The following PZP variants were observed in gnomAD, a reference collection of about 807,000 sequenced individuals.
PZP encodes PZP alpha-2-macroglobulin like, also known as pregnancy zone protein.
In PZP, 150 loss-of-function variants were observed where a neutral mutation model predicts 179.8. That is an observed-to-expected ratio of 0.83 (90% confidence interval 0.73 to 0.96). The LOEUF (loss-of-function observed/expected upper bound fraction) is 0.96. Ranked by LOEUF, PZP falls within the 40% of genes least tolerant of loss-of-function variation. The pLI is 0.00. For missense variants in PZP, 1,689 were observed against 1,764.0 expected (o/e 0.96, Z 0.76); for synonymous variants, 624 against 652.3 (o/e 0.96, Z 0.66).
At chr12:9,161,140 TA>T in intron 22 of PZP, 24 bp from the exon 23 acceptor site, 1 of 1,495,692 alleles carries the variant, frequency 6.7e-7, no homozygotes, top group Non-Finnish European at 9.2e-7. Context: ...CAGCCCATGT[TA>T]AAGGAGGACA....
At chr12:9,207,344 A>G (rs1188883535) in intron 1 of PZP, among the ~76,000 whole-genome samples, 3 of 152,120 alleles carry the variant, frequency 2.0e-5, no homozygotes, top group Admixed American at 1.3e-4. Flanking sequence ...CTATTATTGG[A>G]CCCAAGAGTT....
intron 13 of PZP, among the ~76,000 whole-genome samples, chr12:9,185,667 A>C (rs1943054021): frequency 6.6e-6 from 1 of 152,104 alleles, no homozygotes; most frequent in Non-Finnish European, 1.5e-5. Context: ...TGAAAAAAAA[A>C]AAATGTTAAA....
rs1473240713 is a variant in PZP, at chr12:9,150,519, G to A, written c.4384+125C>T. 4.6e-6 allele frequency: 3 copies of A among 645,774 alleles called. No individual in the cohort carries two copies. The African/African-American group carries it at 5.5e-5, about 12-fold the overall frequency. The allele number at this position is 645,774 out of a possible 1,614,324, so 40.0% of individuals were successfully genotyped here. A position where few individuals can be genotyped will look rare whatever the true frequency, so the allele number is the denominator to read the frequency against. ...GACTGTAGTAAGTCGTTTTTATAGT[G>A]TACATCTTGGAGGAAAGAAACAAAA... On this transcript the variant is annotated intron_variant, in intron 34 of 35. Coordinates refer to ENST00000261336, the MANE Select transcript of PZP (RefSeq NM_002864.3).
Position 9,184,726 on chromosome 12 carries a change from T to C in PZP, c.1547-2609A>G, listed in dbSNP as rs192791607. On this transcript the variant is annotated intron_variant, in intron 13 of 35. Transcript: ENST00000261336. ...CCTTCAGTGCAACATGTTCTTAACCTCAAGGAGCCAGAGAACAAAGCTGGA... is the reference window on the plus strand; with the variant it reads ...CCTTCAGTGCAACATGTTCTTAACCCCAAGGAGCCAGAGAACAAAGCTGGA... 1.7e-3 allele frequency among the ~76,000 whole-genome samples: 258 copies of C among 152,272 alleles called. 1 individual carries two copies. The highest frequency in any genetic ancestry group is 6.0e-3 in the African/African-American group (251 of 41,536).
chr12:9,179,991 A>G (rs759962862), intron 15 of PZP, among the ~76,000 whole-genome samples: 1 of 152,340 alleles, frequency 6.6e-6, no homozygotes, highest in East Asian at 1.9e-4. Context: ...TTCTAATCTT[A>G]AAATGGGACT....
intron 13 of PZP, 115 bp downstream of exon 13, chr12:9,192,078 T>C: frequency 1.2e-6 from 1 of 850,586 alleles, no homozygotes; most frequent in Admixed American, 2.1e-5. Context: ...TTTTCCTGCG[T>C]GTCCTCCTTA....
At chr12:9,197,359 A>G (rs57292480) in intron 7 of PZP, among the ~76,000 whole-genome samples, 38,623 of 142,548 alleles carry the variant, frequency 0.27, 5,400 homozygotes, top group East Asian at 0.4. Flanking sequence ...ATATATTTAT[A>G]TAAATATTTT....
In PZP at chr12:9,197,646, A is replaced by AT. The variant is rs1418730992; in HGVS notation, c.756-524dup. Among the ~76,000 whole-genome samples the AT allele has an allele frequency of 7.0e-5, 7 of 99,906 alleles. 1 individual carries two copies. Among genetic ancestry groups the AT allele is most frequent in the Admixed American group, 5.8e-4 (4 of 6,866 alleles). The allele number at this position is 99,906 out of a possible 152,430, so 65.5% of individuals were successfully genotyped here. The stretch of plus-strand genomic sequence containing the variant: ...TATATTATATTATATATTATATTAT[A>AT]TAATATAATATAAAATTATTATATA... On this transcript the variant is annotated intron_variant, in intron 7 of 35. Transcript: ENST00000261336.
At chr12:9,204,815 G>T (rs1227470540) in intron 1 of PZP, among the ~76,000 whole-genome samples, 1 of 152,122 alleles carries the variant, frequency 6.6e-6, no homozygotes, top group Non-Finnish European at 1.5e-5. Context: ...ACAGGTTCAG[G>T]CTGGGAGAAG....
chr12:9,202,107 A>G (rs1193375959), intron 4 of PZP, among the ~76,000 whole-genome samples: 1 of 152,136 alleles, frequency 6.6e-6, no homozygotes, highest in Non-Finnish European at 1.5e-5. Flanking sequence ...CTATTGCCAG[A>G]CTGATTAAAT....
At chr12:9,153,583 C>T (rs1309684436) in intron 29 of PZP, among the ~76,000 whole-genome samples, 1 of 152,170 alleles carries the variant, frequency 6.6e-6, no homozygotes, top group Non-Finnish European at 1.5e-5. Context: ...TTTTCATTGA[C>T]AGTCCTTTTG....
In PZP at chr12:9,170,779, C is replaced by T. The variant is rs768704447; in HGVS notation, c.1840-1188G>A. Reference sequence around the variant, plus strand: ...GGGACCCTGATCCATTCCTCCTCATCGAGTGGGACCTTTCTGTGGGGGCTT... The same window carrying T: ...GGGACCCTGATCCATTCCTCCTCATTGAGTGGGACCTTTCTGTGGGGGCTT... On this transcript the variant is annotated intron_variant, in intron 15 of 35. Coordinates refer to ENST00000261336, the MANE Select transcript of PZP (RefSeq NM_002864.3). This position sits in a 1 kb window ranked among gnomAD's most constrained non-coding sequence, Gnocchi z 4.6. Among the ~76,000 whole-genome samples, 3 of 152,186 alleles carry T rather than the reference C, an allele frequency of 2.0e-5. No homozygotes were observed. Among genetic ancestry groups the T allele is most frequent in the Admixed American group, 6.5e-5 (1 of 15,284 alleles).
Position 9,200,905 on chromosome 12 carries a change from G to A in PZP, c.657C>T (p.Thr219=), listed in dbSNP as rs140804144. The A allele has an allele frequency of 5.0e-5, 80 of 1,611,744 alleles. 2 individuals carry two copies. The African/African-American group carries it at 8.3e-4, about 17-fold the overall frequency. Residue 219 remains threonine, a synonymous_variant, in exon 6 of 36, where the codon ACC becomes ACT. Transcript: ENST00000261336. Reference sequence around the variant, plus strand: ...CATAATCCATACCAAATTCCTCCACGGTGAAGGGGTGCTGTATCCTTCCAC... The same window carrying A: ...CATAATCCATACCAAATTCCTCCACAGTGAAGGGGTGCTGTATCCTTCCAC... ...ESGGRIQHPF[T]VEEFVLPKFE...
At chr12:9,207,741 A>G (rs1236134412) in intron 1 of PZP, among the ~76,000 whole-genome samples, 2 of 152,218 alleles carry the variant, frequency 1.3e-5, no homozygotes, top group Non-Finnish European at 2.9e-5. Context: ...GAGGAGAGGA[A>G]CTGGGGAGAG....
chr12:9,187,082 A>C (rs1943174210), intron 13 of PZP, among the ~76,000 whole-genome samples: 1 of 151,558 alleles, frequency 6.6e-6, no homozygotes, highest in South Asian at 2.1e-4. Context: ...AAGGTCAAAA[A>C]AAAAAAAAAA....
At chr12:9,201,114 A>G (rs959811890) in intron 5 of PZP, 54 bp from the exon 6 acceptor site, 4 of 1,589,904 alleles carry the variant, frequency 2.5e-6, no homozygotes, top group Non-Finnish European at 3.4e-6. Context: ...ATAGTCCTTG[A>G]GCAACTCAAA....
intron 14 of PZP, among the ~76,000 whole-genome samples, chr12:9,181,649 A>T (rs1157375695): frequency 6.6e-6 from 1 of 152,242 alleles, no homozygotes; most frequent in Admixed American, 6.5e-5. Context: ...TATCTCTGAC[A>T]CATGATAAGG....
chr12:9,145,275 GT>G (rs1939949162), downstream of PZP, among the ~76,000 whole-genome samples: 1 of 151,898 alleles, frequency 6.6e-6, no homozygotes, highest in African/African-American at 2.4e-5. Flanking sequence ...TCTTCCTTGT[GT>G]TTTATTGTTT....
At chr12:9,165,452 G>T (rs939248495) in intron 18 of PZP, 85 bp from the exon 19 acceptor site, 2 of 1,442,216 alleles carry the variant, frequency 1.4e-6, no homozygotes, top group Non-Finnish European at 1.9e-6. Flanking sequence ...TAAAGCTAAC[G>T]TCAAGAACTG....
Sources: gnomAD v4.1 joint callset for allele counts (sites outside exome capture counted in the v4.1 genomes callset) on GRCh38, gnomAD v4.1.1 for gene constraint, Gnocchi (gnomAD v3.1) non-coding constraint, MANE v1.5 for transcripts, NCBI Gene and HGNC (gene_info 2026-07-23, HGNC 2026-07-21) for gene names.